The following OR51B5 variants were observed in gnomAD, a reference collection of about 807,000 sequenced individuals.
OR51B5 encodes the protein olfactory receptor 51B5.
For synonymous variants in OR51B5, 186 were observed against 144.8 expected, an observed-to-expected ratio of 1.28 and a Z score of -2.04; for missense variants, 456 against 374.6, an observed-to-expected ratio of 1.22 and a Z score of -1.79.
intron 1 of OR51B5, among the ~76,000 whole-genome samples, chr11:5,376,509 T>C (rs571894616): frequency 6.6e-6 from 1 of 152,148 alleles, no homozygotes; most frequent in Admixed American, 6.5e-5. Flanking sequence ...CTTCAAAAAA[T>C]TAATGAATCT....
downstream of OR51B5, among the ~76,000 whole-genome samples, chr11:5,342,226 C>G (rs989013150): frequency 6.6e-6 from 1 of 152,010 alleles, no homozygotes; most frequent in African/African-American, 2.4e-5. Context: ...TCACTCGAAC[C>G]AACTAATAAT....
rs148242594 is a variant in OR51B5 at position 5,454,157 on chromosome 11, T to A, written n.84+51412A>T. 2.8e-5 allele frequency: 46 copies of A among 1,614,178 alleles called. 1 individual carries two copies. In the African/African-American group the frequency reaches 5.6e-4, roughly 20 times the overall value. On this transcript the variant is annotated intron_variant and non_coding_transcript_variant, in intron 1 of 4. Coordinates refer to the OR51B5 transcript ENST00000415970. ...TCCTCTCCTATGTGCTCATTCTGCGTTCTGTCATGGCCACTGCTTCCCGTG... is the reference window on the plus strand; with the variant it reads ...TCCTCTCCTATGTGCTCATTCTGCGATCTGTCATGGCCACTGCTTCCCGTG...
intron 1 of OR51B5, among the ~76,000 whole-genome samples, chr11:5,471,878 G>GC (rs1315308841): frequency 1.3e-5 from 2 of 152,042 alleles, no homozygotes; most frequent in East Asian, 1.9e-4. Context: ...CATTGAAGGT[G>GC]CTTATTCAGA....
At chr11:5,480,780 C>A (rs1851406278) in intron 1 of OR51B5, among the ~76,000 whole-genome samples, 1 of 138,204 alleles carries the variant, frequency 7.2e-6, no homozygotes, top group Non-Finnish European at 1.6e-5. Flanking sequence ...AATTCCTTGA[C>A]ACATACACTC....
At chr11:5,375,601 A>T (rs191685023) in intron 1 of OR51B5, among the ~76,000 whole-genome samples, 1 of 152,186 alleles carries the variant, frequency 6.6e-6, no homozygotes, top group Non-Finnish European at 1.5e-5. Flanking sequence ...GCTCAAAATA[A>T]AAGGATGGAG....
At chr11:5,418,604 C>T (rs1425248065) in intron 1 of OR51B5, among the ~76,000 whole-genome samples, 2 of 151,974 alleles carry the variant, frequency 1.3e-5, no homozygotes, top group African/African-American at 4.8e-5. Context: ...TGGAAACCAT[C>T]ATTCTCAGCA....
At chr11:5,358,182 C>CA (rs1363736027) in intron 1 of OR51B5, among the ~76,000 whole-genome samples, 2 of 151,992 alleles carry the variant, frequency 1.3e-5, no homozygotes, top group African/African-American at 2.4e-5. Flanking sequence ...AAAAACCCTT[C>CA]AAAAAATCAA....
intron 1 of OR51B5, among the ~76,000 whole-genome samples, chr11:5,381,582 A>T (rs1477797271): frequency 2.0e-5 from 3 of 152,244 alleles, no homozygotes; most frequent in African/African-American, 7.2e-5. Flanking sequence ...TAAAGGCAAG[A>T]CCATGACATG....
intron 1 of OR51B5, among the ~76,000 whole-genome samples, chr11:5,503,716 A>G (rs2133821724): frequency 6.6e-6 from 1 of 152,334 alleles, no homozygotes; most frequent in East Asian, 1.9e-4. Context: ...AAAAACATCT[A>G]TGCATATGTA....
chr11:5,366,709 G>GGAGGAGGAAAGGAAAGGA (rs1849375022), intron 1 of OR51B5, among the ~76,000 whole-genome samples: 1 of 151,188 alleles, frequency 6.6e-6, no homozygotes, highest in Non-Finnish European at 1.5e-5. Flanking sequence ...AAAAAGTAGA[G>GGAGGAGGAAAGGAAAGGA]GAGGAGGAAA....
chr11:5,371,713 C>T (rs1849450968), intron 1 of OR51B5, among the ~76,000 whole-genome samples: 1 of 152,100 alleles, frequency 6.6e-6, no homozygotes, highest in Non-Finnish European at 1.5e-5. Context: ...AGCAAATTAA[C>T]CTATCCATCA....
chr11:5,410,020 T>C (rs946217226), intron 1 of OR51B5, among the ~76,000 whole-genome samples: 2 of 151,928 alleles, frequency 1.3e-5, no homozygotes, highest in Admixed American at 1.3e-4. Flanking sequence ...AACATCCCAT[T>C]CTATACACAG....
At chr11:5,399,779 T>A (rs1345096632) in intron 1 of OR51B5, among the ~76,000 whole-genome samples, 4 of 132,866 alleles carry the variant, frequency 3.0e-5, no homozygotes, top group Admixed American at 1.5e-4. Context: ...AAAAAAAAAA[T>A]GCAAGAAAGA....
At chr11:5,372,257 C>T (rs1377395300) in intron 1 of OR51B5, among the ~76,000 whole-genome samples, 4 of 152,068 alleles carry the variant, frequency 2.6e-5, no homozygotes, top group African/African-American at 7.2e-5. Context: ...CTAGAAAATG[C>T]GGATTTTATT....
chr11:5,408,191 TATA>T (rs1177572554), intron 1 of OR51B5, among the ~76,000 whole-genome samples: 2 of 152,152 alleles, frequency 1.3e-5, no homozygotes, highest in African/African-American at 4.8e-5. Flanking sequence ...TTCATCCATC[TATA>T]ATGATTATTA....
At chr11:5,375,867 C>A (rs565041428) in intron 1 of OR51B5, among the ~76,000 whole-genome samples, 1 of 152,226 alleles carries the variant, frequency 6.6e-6, no homozygotes, top group East Asian at 1.9e-4. Flanking sequence ...TAATGGGAGA[C>A]TTTAATACCC....
chr11:5,416,805 A>G (rs1461842681), intron 1 of OR51B5, among the ~76,000 whole-genome samples: 3 of 151,474 alleles, frequency 2.0e-5, no homozygotes, highest in Non-Finnish European at 4.4e-5. Context: ...AGAACATTCC[A>G]TGCTCATGGG....
intron 1 of OR51B5, among the ~76,000 whole-genome samples, chr11:5,473,448 TAC>T (rs1240633814): frequency 1.3e-5 from 2 of 152,222 alleles, no homozygotes; most frequent in African/African-American, 4.8e-5. Context: ...TTAGAAATTG[TAC>T]AGAGTTCAAA....
At chr11:5,467,304 G>A (rs952065596) in intron 1 of OR51B5, among the ~76,000 whole-genome samples, 1 of 152,114 alleles carries the variant, frequency 6.6e-6, no homozygotes, top group African/African-American at 2.4e-5. Flanking sequence ...TTAATGAGAC[G>A]TTCAGGGGGT....
Sources: allele counts gnomAD v4.1 joint callset (sites outside exome capture counted in the v4.1 genomes callset), GRCh38; gene constraint gnomAD v4.1.1; transcripts MANE v1.5; gene names NCBI Gene and HGNC (gene_info 2026-07-23, HGNC 2026-07-21).